The following HHIPL1 variants were observed in gnomAD, a reference collection of about 807,000 sequenced individuals.
HHIPL1 encodes HHIP like 1, also known as HHIP-like protein 1.
A neutral mutation model predicts 61.8 loss-of-function variants in HHIPL1; 43 were observed. That is an observed-to-expected ratio of 0.70 (90% CI 0.55 to 0.90). HHIPL1 has a LOEUF of 0.90. Ranked by LOEUF, HHIPL1 falls within the 40% of genes least tolerant of loss-of-function variation. The probability of loss-of-function intolerance (pLI) is 0.00; values close to 1 mark genes in which losing one functional copy is unlikely to be tolerated. For missense variants in HHIPL1, 1,056 were observed against 1,157.7 expected (o/e 0.91, Z 1.28); for synonymous variants, 482 against 515.8 (o/e 0.93, Z 0.89).
At chr14:99,645,123 G>A, upstream of HHIPL1, 4 of 1,183,252 alleles carry the variant, frequency 3.4e-6, no homozygotes, top group South Asian at 7.3e-5. Flanking sequence ...GAAGGGGAGC[G>A]CCCGCCCCTT....
the HHIPL1 span, among the ~76,000 whole-genome samples, chr14:99,613,044 G>A: frequency 6.6e-6 from 1 of 152,148 alleles, no homozygotes; most frequent in Non-Finnish European, 1.5e-5. Context: ...GCTGGCTGCA[G>A]GCCCAGCCCT....
the HHIPL1 span, among the ~76,000 whole-genome samples, chr14:99,621,503 G>T: frequency 2.0e-5 from 3 of 152,038 alleles, no homozygotes; most frequent in Non-Finnish European, 4.4e-5. Flanking sequence ...ATTGTGAGTG[G>T]GCACAGGAGC....
chr14:99,612,009 T>C, the HHIPL1 span, among the ~76,000 whole-genome samples: 3 of 152,340 alleles, frequency 2.0e-5, no homozygotes, highest in East Asian at 5.8e-4. Flanking sequence ...TTGTACTTTC[T>C]TTAACCTGCT....
chr14:99,655,919 C>T (rs1428754080), intron 2 of HHIPL1, among the ~76,000 whole-genome samples: 2 of 152,222 alleles, frequency 1.3e-5, no homozygotes, highest in Non-Finnish European at 1.5e-5. Flanking sequence ...CACCAGCCAA[C>T]CCTGCTGTCT....
rs2056173676 is a variant in HHIPL1 at position 99,662,846 on chromosome 14, C to T, written c.1503-30C>T. On this transcript the variant is annotated intron_variant, in intron 5 of 8. Coordinates refer to ENST00000330710, the MANE Select transcript of HHIPL1 (RefSeq NM_001127258.3). Reference sequence around the variant, plus strand: ...AGGTTCCCCTGGGTGCCATGCCAGGCATGGCCTCACAGCTCATCTTCCTTT... The same window carrying T: ...AGGTTCCCCTGGGTGCCATGCCAGGTATGGCCTCACAGCTCATCTTCCTTT... The T allele has an allele frequency of 5.2e-6, 8 of 1,548,908 alleles. 1 individual carries two copies. The South Asian group carries it at 1.0e-4, about 19-fold the overall frequency.
Position 99,670,955 on chromosome 14 carries a change from G to A in HHIPL1, c.1731-1362G>A, listed in dbSNP as rs189944325. On this transcript the variant is annotated intron_variant, in intron 7 of 8. Transcript: ENST00000330710. ...ATGTTGCCTTAGAGCCATCATCTTC[G>A]GTTTTTCCAATCCCGTTTCCCTATT... Among the ~76,000 whole-genome samples, 24 of 152,184 alleles carry A rather than the reference G, an allele frequency of 1.6e-4. No individual in the cohort carries two copies. In the East Asian group the frequency reaches 3.3e-3, roughly 21 times the overall value.
At chr14:99,662,732 A>G in intron 5 of HHIPL1, 144 bp from the exon 6 acceptor site, 2 of 732,076 alleles carry the variant, frequency 2.7e-6, no homozygotes, top group Non-Finnish European at 4.5e-6. Flanking sequence ...GGGTGAGTGG[A>G]TATGTAGATG....
the HHIPL1 span, among the ~76,000 whole-genome samples, chr14:99,618,403 A>G: frequency 6.6e-6 from 1 of 152,256 alleles, no homozygotes; most frequent in African/African-American, 2.4e-5. Flanking sequence ...ACTGAGCCCC[A>G]TTAGGAGGGA....
intron 2 of HHIPL1, among the ~76,000 whole-genome samples, chr14:99,654,040 C>T (rs1262336692): frequency 6.6e-6 from 1 of 151,958 alleles, no homozygotes; most frequent in Non-Finnish European, 1.5e-5. Flanking sequence ...AACACAAAAA[C>T]TATCTGGGTG....
chr14:99,617,342 A>C, the HHIPL1 span, among the ~76,000 whole-genome samples: 4 of 152,212 alleles, frequency 2.6e-5, no homozygotes, highest in African/African-American at 2.4e-5. Context: ...AGGCTGAGGG[A>C]GGGGAGGCGG....
At chr14:99,618,109 GT>G in the HHIPL1 span, among the ~76,000 whole-genome samples, 1 of 152,184 alleles carries the variant, frequency 6.6e-6, no homozygotes, top group Admixed American at 6.5e-5. Context: ...TGTACCATCT[GT>G]TCTTAGTCAC....
the HHIPL1 span, among the ~76,000 whole-genome samples, chr14:99,607,542 C>T: frequency 1.3e-4 from 20 of 152,214 alleles, no homozygotes; most frequent in African/African-American, 3.9e-4. Context: ...AGAACCGGTA[C>T]GCTAACACAC....
At chr14:99,631,106 T>TTCTTTCTTTCTTTCTC in the HHIPL1 span, among the ~76,000 whole-genome samples, 19 of 121,542 alleles carry the variant, frequency 1.6e-4, no homozygotes, top group Middle Eastern at 8.7e-3. Flanking sequence ...CTTTCTTTCT[T>TTCTTTCTTTCTTTCTC]TCTCTCTCTT....
chr14:99,655,583 C>G (rs2056014595), intron 2 of HHIPL1, among the ~76,000 whole-genome samples: 1 of 151,970 alleles, frequency 6.6e-6, no homozygotes, highest in African/African-American at 2.4e-5. Context: ...ATGACCACAT[C>G]ACTGCACTCC....
At chr14:99,634,803 G>A in the HHIPL1 span, among the ~76,000 whole-genome samples, 7 of 152,310 alleles carry the variant, frequency 4.6e-5, no homozygotes, top group Admixed American at 3.3e-4. Context: ...AAGGCAGGCC[G>A]AGAGCCAGGC....
At chr14:99,669,124 C>T (rs1266266316) in intron 7 of HHIPL1, 7 of 1,399,878 alleles carry the variant, frequency 5.0e-6, no homozygotes, top group Non-Finnish European at 5.6e-6. Flanking sequence ...TTGGTAATCC[C>T]TGGGCTACAC....
intron 6 of HHIPL1, among the ~76,000 whole-genome samples, chr14:99,665,540 T>A (rs2056230002): frequency 6.6e-6 from 1 of 152,220 alleles, no homozygotes; most frequent in Non-Finnish European, 1.5e-5. Flanking sequence ...TCCTGGGCAA[T>A]CCTTCTGCCT....
At chr14:99,610,190 G>A in the HHIPL1 span, among the ~76,000 whole-genome samples, 1 of 152,284 alleles carries the variant, frequency 6.6e-6, no homozygotes, top group South Asian at 2.1e-4. Flanking sequence ...ACATACTGGG[G>A]AAACTGAGTC....
chr14:99,671,138 C>T (rs1036877861), intron 7 of HHIPL1, among the ~76,000 whole-genome samples: 1 of 152,178 alleles, frequency 6.6e-6, no homozygotes, highest in African/African-American at 2.4e-5. Flanking sequence ...TGTTTCTTTG[C>T]ACCCACACAT....
Sources: gnomAD v4.1 joint callset for allele counts (sites outside exome capture counted in the v4.1 genomes callset) on GRCh38, gnomAD v4.1.1 for gene constraint, MANE v1.5 for transcripts, NCBI Gene and HGNC (gene_info 2026-07-23, HGNC 2026-07-21) for gene names.